Variants in MTHFS observed in about 807,000 individuals in gnomAD.
MTHFS encodes the protein methenyltetrahydrofolate synthetase, also known as 5-formyltetrahydrofolate cyclo-ligase.
MTHFS carries 7 observed loss-of-function variants against 12.7 expected under a neutral mutation model. The ratio of observed to expected loss-of-function variants is 0.55; its 90% CI spans 0.31 to 1.03. The LOEUF is 1.03. Ranked by LOEUF, MTHFS falls within the 50% of genes least tolerant of loss-of-function variation. MTHFS has a pLI of 0.05. For missense variants in MTHFS, 252 were observed against 258.1 expected (o/e 0.98, Z 0.16); for synonymous variants, 100 against 97.1 (o/e 1.03, Z -0.18).
At chr15:79,846,473 T>A (rs1356325121) in intron 2 of MTHFS, among the ~76,000 whole-genome samples, 1 of 152,212 alleles carries the variant, frequency 6.6e-6, no homozygotes. Flanking sequence ...CAGAACAGCA[T>A]GTTCAGAGTA....
In MTHFS at chr15:79,896,962, G is replaced by A. The variant is rs561115389; in HGVS notation, c.27C>T (p.Ala9=). The A allele has an allele frequency of 1.1e-4, 166 of 1,534,518 alleles. No individual in the cohort carries two copies. The South Asian group carries it at 1.9e-3, about 17-fold the overall frequency. Residue 9 remains alanine, a synonymous_variant, in exon 1 of 3, where the codon GCC becomes GCT. Coordinates refer to ENST00000258874, the MANE Select transcript of MTHFS (RefSeq NM_006441.4). MAAAAVSS[A]KRSLRGELKQ... ...TCAGCTCTCCCCGCAGGCTCCGCTTGGCGCTGCTCACCGCTGCCGCCGCCA... is the reference window on the plus strand; with the variant it reads ...TCAGCTCTCCCCGCAGGCTCCGCTTAGCGCTGCTCACCGCTGCCGCCGCCA...
chr15:79,873,811 A>G (rs529383905), intron 2 of MTHFS, among the ~76,000 whole-genome samples: 77 of 152,338 alleles, frequency 5.1e-4, no homozygotes, highest in African/African-American at 1.8e-3. Context: ...ACATAGGAAT[A>G]TTACAGGAAA....
chr15:79,896,879 C>A lies in MTHFS; in HGVS notation c.110G>T (p.Ser37Ile), dbSNP rs2034586835. ...EERLRQSRVL[S>I]QKVIAHSEYQ... is the part of the protein sequence containing the mutation. ...CTACGGGCGGCCTCGCACCTTCTGGCTCAGTACGCGGGACTGGCGTAGCCG... is the reference window on the plus strand; with the variant it reads ...CTACGGGCGGCCTCGCACCTTCTGGATCAGTACGCGGGACTGGCGTAGCCG... Residue 37 changes from serine to isoleucine, a missense_variant, in exon 1 of 3, where the codon AGC becomes ATC. Transcript: ENST00000258874. 18 of 1,542,992 alleles carry A rather than the reference C, an allele frequency of 1.2e-5. No individual in the cohort carries two copies. Among genetic ancestry groups the A allele is most frequent in the Non-Finnish European group, 1.5e-5 (17 of 1,146,342 alleles).
intron 2 of MTHFS, among the ~76,000 whole-genome samples, chr15:79,886,312 CA>C (rs2034381476): frequency 6.6e-6 from 1 of 152,190 alleles, no homozygotes; most frequent in Admixed American, 6.5e-5. Context: ...GTTGCTGATG[CA>C]AGTAAAAATC....
intron 2 of MTHFS, chr15:79,876,631 A>G (rs1455320325): frequency 6.6e-6 from 1 of 151,628 alleles, no homozygotes; most frequent in African/African-American, 2.4e-5. Context: ...AAAAAAAAAA[A>G]AGTAAAGGAA....
At chr15:79,883,127 C>T (rs915215228) in intron 2 of MTHFS, among the ~76,000 whole-genome samples, 1 of 152,088 alleles carries the variant, frequency 6.6e-6, no homozygotes, top group Non-Finnish European at 1.5e-5. Context: ...TCACTTGAGC[C>T]CAGAAGTTCA....
At chr15:79,849,428 A>G (rs1213724117) in intron 2 of MTHFS, among the ~76,000 whole-genome samples, 1 of 152,102 alleles carries the variant, frequency 6.6e-6, no homozygotes, top group East Asian at 1.9e-4. Context: ...CTTTGGGAAC[A>G]CTATGCTGGA....
chr15:79,880,657 G>A (rs2034281263), intron 2 of MTHFS, among the ~76,000 whole-genome samples: 1 of 151,918 alleles, frequency 6.6e-6, no homozygotes, highest in Non-Finnish European at 1.5e-5. Context: ...TTTCTCTAAA[G>A]GACCATCAGG....
chr15:79,855,113 A>G (rs904364163), intron 2 of MTHFS, among the ~76,000 whole-genome samples: 1 of 152,190 alleles, frequency 6.6e-6, no homozygotes, highest in Non-Finnish European at 1.5e-5. Context: ...GATATTTACT[A>G]TCTGGCCCTC....
In MTHFS at chr15:79,843,794, A is replaced by T. The variant is rs2033561424; in HGVS notation, c.*1416T>A. ...CAGATATGACAACAAATAATTTGATACGTAAGACAACATGATAAGCACATC... is the reference window on the plus strand; with the variant it reads ...CAGATATGACAACAAATAATTTGATTCGTAAGACAACATGATAAGCACATC... On this transcript the variant is annotated 3_prime_UTR_variant, in exon 3 of 3. Coordinates refer to ENST00000258874, the MANE Select transcript of MTHFS (RefSeq NM_006441.4). 1 of 152,250 alleles carries T rather than the reference A, an allele frequency of 6.6e-6. No homozygotes were observed. Among genetic ancestry groups the T allele is most frequent in the Admixed American group, 6.5e-5 (1 of 15,282 alleles). 9.4% of individuals were successfully genotyped at this position (152,250 alleles called of 1,614,324 possible).
intron 2 of MTHFS, among the ~76,000 whole-genome samples, chr15:79,852,535 G>A (rs963794653): frequency 2.6e-5 from 4 of 152,094 alleles, no homozygotes; most frequent in African/African-American, 9.7e-5. Flanking sequence ...GGCCATCTGG[G>A]AATATTCACA....
rs1365537989 is a variant in MTHFS, at chr15:79,845,361, T to C, written c.461A>G (p.Asp154Gly). Residue 154 changes from aspartate (D) to glycine (G), a missense_variant, in exon 3 of 3, where the codon GAT becomes GGT. Asp to Gly is a moderately conservative substitution (Grantham distance 94). Transcript: ENST00000258874. ...NRLGRGKGYY[D>G]AYLKRCLQHQ... ...CTGCAAACAGCGCTTCAGATAGGCATCATAGTAGCCCTTGCCCCTCCCCAG... is the reference window on the plus strand; with the variant it reads ...CTGCAAACAGCGCTTCAGATAGGCACCATAGTAGCCCTTGCCCCTCCCCAG... 1 of 1,614,086 alleles carries C rather than the reference T, an allele frequency of 6.2e-7. No homozygotes were observed. The highest frequency in any genetic ancestry group is 2.2e-5 in the East Asian group (1 of 44,880).
In MTHFS at chr15:79,845,439, C is replaced by T. The variant is rs150369977; in HGVS notation, c.383G>A (p.Gly128Glu). The T allele has an allele frequency of 3.1e-5, 50 of 1,611,332 alleles. No homozygotes were observed. The Middle Eastern group carries it at 4.9e-4, about 16-fold the overall frequency. The change falls in exon 3 of 3, where the codon GGA (glycine) becomes GAA (glutamate). Residue 128 changes from glycine (G) to glutamate (E), a missense_variant. Transcript: ENST00000258874. ...DVREEALSTGGLDLIFMPGLG... is the reference protein window; with the variant it reads ...DVREEALSTGELDLIFMPGLG... Reference sequence around the variant, plus strand: ...GCCTGGCATGAAGATGAGATCAAGTCCCCCTGCGGAAAAGAGGAACAAATT... The same window carrying T: ...GCCTGGCATGAAGATGAGATCAAGTTCCCCTGCGGAAAAGAGGAACAAATT...
chr15:79,864,374 A>C (rs980297927), intron 2 of MTHFS, among the ~76,000 whole-genome samples: 1 of 151,702 alleles, frequency 6.6e-6, no homozygotes, highest in Non-Finnish European at 1.5e-5. Flanking sequence ...GTGAAACCCC[A>C]TATCTACTAA....
chr15:79,874,917 C>T (rs1184253901), intron 2 of MTHFS, among the ~76,000 whole-genome samples: 2 of 152,054 alleles, frequency 1.3e-5, no homozygotes, highest in Non-Finnish European at 2.9e-5. Flanking sequence ...TCAAGGTGCC[C>T]AGATTTCATA....
intron 2 of MTHFS, among the ~76,000 whole-genome samples, chr15:79,872,605 T>C (rs546566032): frequency 1.3e-5 from 2 of 152,222 alleles, no homozygotes; most frequent in Non-Finnish European, 2.9e-5. Flanking sequence ...TTTGGCTATA[T>C]GTAAATTAAG....
intron 2 of MTHFS, among the ~76,000 whole-genome samples, chr15:79,860,231 T>C (rs910710526): frequency 1.4e-4 from 22 of 151,950 alleles, no homozygotes; most frequent in African/African-American, 5.1e-4. Context: ...CTACCAAAAA[T>C]ACAAAAAATT....
intron 2 of MTHFS, among the ~76,000 whole-genome samples, chr15:79,872,019 C>T (rs1434030377): frequency 1.4e-5 from 2 of 145,742 alleles, no homozygotes; most frequent in African/African-American, 5.1e-5. Context: ...GCAGGAGAAT[C>T]GCTTGAACCC....
chr15:79,895,781 G>A (rs1195402714), intron 1 of MTHFS, among the ~76,000 whole-genome samples: 1 of 152,086 alleles, frequency 6.6e-6, no homozygotes, highest in Admixed American at 6.5e-5. Context: ...AGTAAATAAC[G>A]GATAATAGAA....
Sources: allele counts gnomAD v4.1 joint callset (sites outside exome capture counted in the v4.1 genomes callset), GRCh38; gene constraint gnomAD v4.1.1; transcripts MANE v1.5; gene names NCBI Gene and HGNC (gene_info 2026-07-23, HGNC 2026-07-21).